The following FDXACB1 variants were observed in gnomAD, a reference collection of about 807,000 sequenced individuals.
FDXACB1 encodes the protein ferredoxin-fold anticodon binding domain containing 1.
Under a neutral mutation model 51.7 loss-of-function variants are expected in FDXACB1, and 41 were observed. The ratio of observed to expected loss-of-function variants is 0.79; its 90% CI spans 0.62 to 1.03. The LOEUF (loss-of-function observed/expected upper bound fraction) is 1.03. Ranked by LOEUF, FDXACB1 falls within the 50% of genes least tolerant of loss-of-function variation. The pLI, the probability that FDXACB1 is intolerant of heterozygous loss-of-function variation, is 0.00. For missense variants in FDXACB1, 697 were observed against 746.4 expected (o/e 0.93, Z 0.77); for synonymous variants, 273 against 278.6 (o/e 0.98, Z 0.20).
chr11:111,875,609 G>A lies in FDXACB1; in HGVS notation c.1188C>T (p.Ile396=), dbSNP rs1964796413. The stretch of plus-strand genomic sequence containing the variant: ...CCTTCAGATTTTGATTAACCCCAAG[G>A]ATAAATAAAGTTTCATGAAATGCTG... ...TMPAFHETLF[I]LGVNQNLKDG... The change falls in exon 5 of 5, where the codon ATC becomes ATT. Residue 396 remains isoleucine, a synonymous_variant. Coordinates refer to ENST00000260257, the MANE Select transcript of FDXACB1 (RefSeq NM_138378.3). 2.5e-6 allele frequency: 4 copies of A among 1,612,462 alleles called. No individual in the cohort carries two copies. Among genetic ancestry groups the A allele is most frequent in the Non-Finnish European group, 3.4e-6 (4 of 1,179,694 alleles).
At chr11:111,876,343 A>G in intron 4 of FDXACB1, 138 bp downstream of exon 4, 1 of 1,128,548 alleles carries the variant, frequency 8.9e-7, no homozygotes, top group African/African-American at 1.6e-5. Context: ...GAGATGCTTA[A>G]GGAGGCCAGG....
In FDXACB1 at chr11:111,875,965, G is replaced by C. The variant is rs201952370; in HGVS notation, c.832C>G (p.Pro278Ala). The change falls in exon 5 of 5, where the codon CCT (proline) becomes GCT (alanine). Residue 278 changes from proline (P) to alanine (A), a missense_variant. Pro to Ala is a conservative substitution (Grantham distance 27). Transcript: ENST00000260257. The stretch of plus-strand genomic sequence containing the variant: ...GACAGAAAGTCACAATTCCAGAAAG[G>C]AAGAACACTGGTACCTTCCTGTGGC... The part of the protein sequence containing the change: ...LLPQEGTSVL[P>A]FWNCDFLSAA... 1.9e-6 allele frequency: 3 copies of C among 1,613,964 alleles called. No homozygotes were observed. The highest frequency in any genetic ancestry group is 2.2e-5 in the South Asian group (2 of 91,082).
chr11:111,875,015 G>A lies in FDXACB1; in HGVS notation c.1782C>T (p.Thr594=), dbSNP rs782790151. ...GCTGCTGGGTGAGGGCCTTGTCACA[G>A]GTCTGGTAGGTCAATCTATAGCAGA... ...VSLCYRLTYQ[T]CDKALTQQQV... The change falls in exon 5 of 5, where the codon ACC becomes ACT. Residue 594 remains threonine, a synonymous_variant. Coordinates refer to ENST00000260257, the MANE Select transcript of FDXACB1 (RefSeq NM_138378.3). 6.2e-7 allele frequency: 1 copy of A among 1,613,948 alleles called. No individual in the cohort carries two copies. The highest frequency in any genetic ancestry group is 8.5e-7 in the Non-Finnish European group (1 of 1,179,878).
chr11:111,874,883 C>A lies in FDXACB1; in HGVS notation c.*39G>T, dbSNP rs147879752. On this transcript the variant is annotated 3_prime_UTR_variant, in exon 5 of 5. Coordinates refer to ENST00000260257, the MANE Select transcript of FDXACB1 (RefSeq NM_138378.3). Reference sequence around the variant, plus strand: ...GTTGGTAATTTTCCTCCACATCCCCCGCAATGAAGGATCACACTGCAGAAA... The same window carrying A: ...GTTGGTAATTTTCCTCCACATCCCCAGCAATGAAGGATCACACTGCAGAAA... 2 of 1,553,364 alleles carry A rather than the reference C, an allele frequency of 1.3e-6. No individual in the cohort carries two copies. The highest frequency in any genetic ancestry group is 1.8e-6 in the Non-Finnish European group (2 of 1,136,848).
Position 111,874,918 on chromosome 11 carries a change from C to T in FDXACB1, c.*4G>A. 6.2e-7 allele frequency: 1 copy of T among 1,610,320 alleles called. No homozygotes were observed. The highest frequency in any genetic ancestry group is 8.5e-7 in the Non-Finnish European group (1 of 1,177,002). ...GATCACACTGCAGAAAAGGATTTACCAAACTACCGAGGTATAACATATAGG... is the reference window on the plus strand; with the variant it reads ...GATCACACTGCAGAAAAGGATTTACTAAACTACCGAGGTATAACATATAGG... On this transcript the variant is annotated 3_prime_UTR_variant, in exon 5 of 5. Coordinates refer to ENST00000260257, the MANE Select transcript of FDXACB1 (RefSeq NM_138378.3).
intron 2 of FDXACB1, among the ~76,000 whole-genome samples, chr11:111,878,079 T>C (rs1323185682): frequency 6.6e-6 from 1 of 151,652 alleles, no homozygotes; most frequent in East Asian, 2.0e-4. Context: ...CCCAGCTACT[T>C]GGGAGGCTGA....
Position 111,875,290 on chromosome 11 carries a change from CAG to C in FDXACB1, c.1505_1506del (p.Ser502Ter), listed in dbSNP as rs782742589. The C allele has an allele frequency of 5.0e-6, 8 of 1,613,866 alleles. No homozygotes were observed. The highest frequency in any genetic ancestry group is 6.8e-6 in the Non-Finnish European group (8 of 1,179,872). On this transcript the variant is annotated frameshift_variant, in exon 5 of 5. Coordinates refer to ENST00000260257, the MANE Select transcript of FDXACB1 (RefSeq NM_138378.3). LOFTEE classifies it high-confidence loss of function. ...DLLAMLVWCI[S>X]DWRMLWTFDN... Reference sequence around the variant, plus strand: ...TCAAACGTCCACAACATTCTCCAGTCAGAGATACACCAGACAAGCATGGCTAA... The same window carrying C: ...TCAAACGTCCACAACATTCTCCAGTCAGATACACCAGACAAGCATGGCTAA...
intron 1 of FDXACB1, 32 bp downstream of exon 1, chr11:111,878,929 G>T: frequency 2.5e-6 from 4 of 1,579,084 alleles, no homozygotes; most frequent in Non-Finnish European, 3.4e-6. Flanking sequence ...CCGGCCGCTG[G>T]GCGGGGTTTC....
intron 2 of FDXACB1, among the ~76,000 whole-genome samples, chr11:111,878,119 G>A (rs1050847169): frequency 1.3e-5 from 2 of 152,036 alleles, no homozygotes; most frequent in Admixed American, 6.5e-5. Flanking sequence ...CCCAGTAGGC[G>A]GAGCTTGCAG....
chr11:111,875,346 A>C lies in FDXACB1; in HGVS notation c.1451T>G (p.Phe484Cys), dbSNP rs782104706. 6.2e-7 allele frequency: 1 copy of C among 1,613,852 alleles called. No individual in the cohort carries two copies. The highest frequency in any genetic ancestry group is 1.1e-5 in the South Asian group (1 of 91,078). Residue 484 changes from phenylalanine (F) to cysteine (C), a missense_variant, in exon 5 of 5, where the codon TTT becomes TGT. By Grantham distance (205) the Phe-to-Cys change is radical. Coordinates refer to ENST00000260257, the MANE Select transcript of FDXACB1 (RefSeq NM_138378.3). ...GTCCAAGTTCATAGACACAAACACA[A>C]AACACTGGTCTTTATGTATAACACT... Reference protein sequence around the residue: ...ATSVIHKDQCFVFVSMNLDLL... With the variant: ...ATSVIHKDQCCVFVSMNLDLL...
intron 1 of FDXACB1, 61 bp downstream of exon 1, chr11:111,878,900 C>T: frequency 6.4e-7 from 1 of 1,553,472 alleles, no homozygotes; most frequent in Non-Finnish European, 8.7e-7. Flanking sequence ...CGCCCCCACC[C>T]TTTCCACTTT....
Position 111,876,116 on chromosome 11 carries a change from C to A in FDXACB1, c.693-12G>T. ...CTTCCAGGAAACCCCTGTTTAAACACACACAAAAATAACTTTTCTAACTTA... is the reference window on the plus strand; with the variant it reads ...CTTCCAGGAAACCCCTGTTTAAACAAACACAAAAATAACTTTTCTAACTTA... On this transcript the variant is annotated splice_polypyrimidine_tract_variant and intron_variant, in intron 4 of 4. Coordinates refer to ENST00000260257, the MANE Select transcript of FDXACB1 (RefSeq NM_138378.3). 6.4e-7 allele frequency: 1 copy of A among 1,565,368 alleles called. No individual in the cohort carries two copies. The highest frequency in any genetic ancestry group is 2.0e-5 in the Admixed American group (1 of 50,246).
At position 111,875,700 on chromosome 11, in the gene FDXACB1, G is replaced by A; in HGVS notation, c.1097C>T (p.Ser366Leu). The A allele has an allele frequency of 1.2e-6, 2 of 1,613,678 alleles. No individual in the cohort carries two copies. Among genetic ancestry groups the A allele is most frequent in the Non-Finnish European group, 1.7e-6 (2 of 1,179,892 alleles). The change falls in exon 5 of 5, where the codon TCA becomes TTA. Residue 366 changes from serine to leucine, a missense_variant. By Grantham distance (145) the Ser-to-Leu change is moderately radical. Coordinates refer to ENST00000260257, the MANE Select transcript of FDXACB1 (RefSeq NM_138378.3). ...QDVIEVPDFLSGSLHILSGPV... is the reference protein window; with the variant it reads ...QDVIEVPDFLLGSLHILSGPV... Reference sequence around the variant, plus strand: ...TCCACTGAGGATGTGCAGAGAACCTGAGAGGAAGTCTGGTACTTCGATGAC... The same window carrying A: ...TCCACTGAGGATGTGCAGAGAACCTAAGAGGAAGTCTGGTACTTCGATGAC...
In FDXACB1 at chr11:111,875,151, C is replaced by T. The variant is rs782267329; in HGVS notation, c.1646G>A (p.Gly549Glu). ...AGTGTGAAACTCTAGTTCATCAAATCCTTTCTTCTGATCTATCCAAAAACT... is the reference window on the plus strand; with the variant it reads ...AGTGTGAAACTCTAGTTCATCAAATTCTTTCTTCTGATCTATCCAAAAACT... The part of the protein sequence containing the change: ...DVSFWIDQKK[G>E]FDELEFHTVA... Residue 549 changes from glycine to glutamate, a missense_variant, in exon 5 of 5, where the codon GGA becomes GAA. This residue lies in a region of FDXACB1 where 538 missense variants were observed against 592.2 expected (regional missense o/e 0.91). Coordinates refer to ENST00000260257, the MANE Select transcript of FDXACB1 (RefSeq NM_138378.3). 6.2e-7 allele frequency: 1 copy of T among 1,613,768 alleles called. No homozygotes were observed. The highest frequency in any genetic ancestry group is 8.5e-7 in the Non-Finnish European group (1 of 1,179,882).
chr11:111,874,622 G>A lies in FDXACB1; in HGVS notation c.*300C>T. On this transcript the variant is annotated 3_prime_UTR_variant, in exon 5 of 5. Transcript: ENST00000260257. ...AAAAAAAAATTAGCCAGGCGTGGTG[G>A]CAGGTGCCTGTAGTCCCAGCTACTC... The A allele has an allele frequency of 4.0e-6, 1 of 250,846 alleles. No individual in the cohort carries two copies. The allele number at this position is 250,846 out of a possible 1,614,324, so 15.5% of individuals were successfully genotyped here. A position where few individuals can be genotyped will look rare whatever the true frequency, so the allele number is the denominator to read the frequency against.
chr11:111,879,041 G>T lies in FDXACB1; in HGVS notation c.92C>A (p.Thr31Asn), dbSNP rs527479966. ...SETLDQSTQL[T>N]ATCLQRPAEL... Reference sequence around the variant, plus strand: ...GGCCGGGCGCTGGAGGCAGGTGGCGGTAAGTTGAGTGCTCTGATCCAGGGT... The same window carrying T: ...GGCCGGGCGCTGGAGGCAGGTGGCGTTAAGTTGAGTGCTCTGATCCAGGGT... The change falls in exon 1 of 5, where the codon ACC becomes AAC. Residue 31 changes from threonine (T) to asparagine (N), a missense_variant. Around this residue, in one of 3 missense-constraint regions of FDXACB1, gnomAD observed 153 missense variants for 133.5 expected, o/e 1.15. Coordinates refer to ENST00000260257, the MANE Select transcript of FDXACB1 (RefSeq NM_138378.3). The T allele has an allele frequency of 1.9e-6, 3 of 1,613,698 alleles. No individual in the cohort carries two copies. The South Asian group carries it at 3.3e-5, about 18-fold the overall frequency.
rs782250299 is a variant in FDXACB1, at chr11:111,875,856, A to G, written c.941T>C (p.Phe314Ser). 2 of 1,613,810 alleles carry G rather than the reference A, an allele frequency of 1.2e-6. No individual in the cohort carries two copies. The highest frequency in any genetic ancestry group is 1.7e-6 in the Non-Finnish European group (2 of 1,179,880). Residue 314 changes from phenylalanine (F) to serine (S), a missense_variant, in exon 5 of 5, where the codon TTT (phenylalanine) becomes TCT (serine). This residue lies in a region of FDXACB1 where 538 missense variants were observed against 592.2 expected (regional missense o/e 0.91). Coordinates refer to ENST00000260257, the MANE Select transcript of FDXACB1 (RefSeq NM_138378.3). ...GCTAAGTTCTGAAAATGACACTAGA[A>G]AGTCTTCCACATCTTGTGATGTCCC... is the stretch of plus-strand genomic sequence containing the variant. Reference protein sequence around the residue: ...TGGTSQDVEDFLVSFSELSLL... With the variant: ...TGGTSQDVEDSLVSFSELSLL...
chr11:111,877,128 G>T, intron 2 of FDXACB1, 117 bp from the exon 3 acceptor site: 1 of 1,048,444 alleles, frequency 9.5e-7, no homozygotes, highest in Non-Finnish European at 1.4e-6. Flanking sequence ...TCATACCTAT[G>T]TGCAAAAATC....
At position 111,875,938 on chromosome 11, in the gene FDXACB1, C is replaced by T. The variant is rs781795968; in HGVS notation, c.859G>A (p.Ala287Thr). ...LPFWNCDFLS[A>T]AFWISLHEDN... ...TCATGGAGACTAATCCAAAAAGCAGCTGACAGAAAGTCACAATTCCAGAAA... is the reference window on the plus strand; with the variant it reads ...TCATGGAGACTAATCCAAAAAGCAGTTGACAGAAAGTCACAATTCCAGAAA... The change falls in exon 5 of 5, where the codon GCT becomes ACT. Residue 287 changes from alanine (A) to threonine (T), a missense_variant. Ala to Thr is a moderately conservative substitution (Grantham distance 58, BLOSUM62 0). This residue lies in a region of FDXACB1 where 538 missense variants were observed against 592.2 expected (regional missense o/e 0.91). Transcript: ENST00000260257. 1.2e-6 allele frequency: 2 copies of T among 1,613,958 alleles called. No individual in the cohort carries two copies. Among genetic ancestry groups the T allele is most frequent in the South Asian group, 2.2e-5 (2 of 91,084 alleles).
Sources: allele counts gnomAD v4.1 joint callset (sites outside exome capture counted in the v4.1 genomes callset), GRCh38; gene constraint gnomAD v4.1.1; regional missense constraint gnomAD v4.1.1; transcripts MANE v1.5; gene names NCBI Gene and HGNC (gene_info 2026-07-23, HGNC 2026-07-21).